CUL2: variants seen among roughly 807,000 people sequenced by gnomAD.
CUL2 encodes the protein cullin-2.
In CUL2, 22 loss-of-function variants were observed where a neutral mutation model predicts 110.2. The observed-to-expected ratio is 0.20, with a 90% CI of 0.14 to 0.28. The LOEUF is 0.28. CUL2 is among the 10% of genes least tolerant of loss of function. CUL2 has a pLI of 1.00. For synonymous variants in CUL2, 279 were observed against 293.2 expected, an observed-to-expected ratio of 0.95 and a Z score of 0.49; for missense variants, 631 against 905.5, an observed-to-expected ratio of 0.70 and a Z score of 3.89.
intron 2 of CUL2, among the ~76,000 whole-genome samples, chr10:35,069,555 TAA>T (rs75346430): frequency 7.5e-6 from 1 of 133,152 alleles, no homozygotes; most frequent in Non-Finnish European, 1.6e-5. Context: ...AAGTAAAAAT[TAA>T]AAAAAAAAAA....
intron 2 of CUL2, among the ~76,000 whole-genome samples, chr10:35,096,740 GTGT>G (rs1361758374): frequency 6.6e-6 from 1 of 152,034 alleles, no homozygotes. Context: ...GAGACAGATG[GTGT>G]TGTTTGCTGA....
At chr10:35,101,511 C>T (rs959726493) in intron 1 of CUL2, among the ~76,000 whole-genome samples, 1 of 152,200 alleles carries the variant, frequency 6.6e-6, no homozygotes, top group Non-Finnish European at 1.5e-5. Context: ...ACAATGAAGA[C>T]TTAAGTGATG....
chr10:35,066,148 A>G (rs1318800484), intron 2 of CUL2, among the ~76,000 whole-genome samples: 1 of 152,206 alleles, frequency 6.6e-6, no homozygotes, highest in Non-Finnish European at 1.5e-5. Context: ...TTTTAACAGT[A>G]TGAACTCTAT....
chr10:35,054,683 A>C (rs938924824), intron 4 of CUL2, 144 bp from the exon 5 acceptor site: 1 of 497,996 alleles, frequency 2.0e-6, no homozygotes, highest in East Asian at 3.3e-5. Flanking sequence ...TGAATTATGT[A>C]GAGATTAGAA....
intron 6 of CUL2, among the ~76,000 whole-genome samples, chr10:35,048,975 T>A (rs983747675): frequency 1.3e-5 from 2 of 152,170 alleles, no homozygotes; most frequent in Admixed American, 6.5e-5. Context: ...GGAGTGGCCA[T>A]TATTACACTA....
At position 35,010,358 on chromosome 10, in the gene CUL2, T is replaced by C; in HGVS notation, c.2191A>G (p.Ile731Val). ...CIEVLIDKQY[I>V]ERSQASADEY... ...TCTGCCGACGCCTGGCTGCGTTCTATGTATTGTTTGTCTATCAGAACTTCA... is the reference window on the plus strand; with the variant it reads ...TCTGCCGACGCCTGGCTGCGTTCTACGTATTGTTTGTCTATCAGAACTTCA... Residue 731 changes from isoleucine to valine, a missense_variant, in exon 21 of 21, where the codon ATA (isoleucine) becomes GTA (valine). This residue lies in a region of CUL2 where 159 missense variants were observed against 202.7 expected (regional missense o/e 0.78). Transcript: ENST00000374749. The C allele has an allele frequency of 2.5e-6, 4 of 1,611,910 alleles. No homozygotes were observed. The highest frequency in any genetic ancestry group is 1.3e-5 in the African/African-American group (1 of 74,882).
At position 35,031,532 on chromosome 10, in the gene CUL2, T is replaced by C. The variant is rs1299641016; in HGVS notation, c.1258A>G (p.Thr420Ala). 1.2e-6 allele frequency: 2 copies of C among 1,614,200 alleles called. No individual in the cohort carries two copies. Among genetic ancestry groups the C allele is most frequent in the Non-Finnish European group, 1.7e-6 (2 of 1,180,018 alleles). The change falls in exon 13 of 21, where the codon ACA becomes GCA. Residue 420 changes from threonine to alanine, a missense_variant. Thr to Ala is a moderately conservative substitution (Grantham distance 58, BLOSUM62 0). Transcript: ENST00000374749. This position sits in a 1 kb window ranked among gnomAD's most constrained non-coding sequence, Gnocchi z 4.4. ...TTGTCATCAATGTATTTGAACACTG[T>C]GATGAAGCTCGTGAGCCTGTCTTCC... Reference protein sequence around the residue: ...EVEDRLTSFITVFKYIDDKDV... With the variant: ...EVEDRLTSFIAVFKYIDDKDV...
At chr10:35,010,721 CAAGA>C (rs2084878803) in intron 20 of CUL2, among the ~76,000 whole-genome samples, 2 of 152,212 alleles carry the variant, frequency 1.3e-5, no homozygotes, top group African/African-American at 4.8e-5. Flanking sequence ...AACACTTTCT[CAAGA>C]AAGTTTTCCC....
At chr10:35,070,716 G>C (rs1305079607) in intron 2 of CUL2, among the ~76,000 whole-genome samples, 1 of 152,106 alleles carries the variant, frequency 6.6e-6, no homozygotes, top group African/African-American at 2.4e-5. Context: ...AAATCACATG[G>C]CTTGCTCCCT....
Position 35,031,599 on chromosome 10 carries a change from G to A in CUL2, c.1191C>T (p.Asn397=), listed in dbSNP as rs2085481295. 6.2e-7 allele frequency: 1 copy of A among 1,613,986 alleles called. No homozygotes were observed. The highest frequency in any genetic ancestry group is 1.1e-5 in the South Asian group (1 of 91,090). The change falls in exon 13 of 21, where the codon AAC becomes AAT. Residue 397 remains asparagine, a synonymous_variant. Coordinates refer to ENST00000374749, the MANE Select transcript of CUL2 (RefSeq NM_003591.4). This position sits in a 1 kb window ranked among gnomAD's most constrained non-coding sequence, Gnocchi z 4.4. The part of the protein sequence containing the change: ...APELLAKYCD[N]LLKKSAKGMT... ...TCCCTTTCGCTGACTTCTTCAGTAAGTTGTCACAGTACTTAGCAAGCTCAT... is the reference window on the plus strand; with the variant it reads ...TCCCTTTCGCTGACTTCTTCAGTAAATTGTCACAGTACTTAGCAAGCTCAT...
intron 17 of CUL2, among the ~76,000 whole-genome samples, chr10:35,017,931 G>A (rs115758721): frequency 0.027 from 4,052 of 151,164 alleles, 180 homozygotes; most frequent in African/African-American, 0.09. Context: ...GCTTCCTAAA[G>A]CACGAAGTTG....
At chr10:35,066,895 C>T (rs1207983404) in intron 2 of CUL2, among the ~76,000 whole-genome samples, 2 of 152,160 alleles carry the variant, frequency 1.3e-5, no homozygotes, top group Non-Finnish European at 2.9e-5. Context: ...CTTCTTCTAA[C>T]ACTTGTGAAA....
intron 1 of CUL2, among the ~76,000 whole-genome samples, chr10:35,080,481 T>A (rs377670704): frequency 2.1e-4 from 26 of 125,114 alleles, no homozygotes; most frequent in African/African-American, 7.9e-4. Flanking sequence ...TTATTTATTT[T>A]TGAGACAGGG....
rs1009997342 is a variant in CUL2 at position 35,009,220 on chromosome 10, T to TAA, written c.*1089_*1090dup. ...TATATATTATATATATATATATATA[T>TAA]AAAATAAACAAAATAATGGGATTTA... On this transcript the variant is annotated 3_prime_UTR_variant, in exon 21 of 21. Transcript: ENST00000374749. 7.6e-5 allele frequency: 11 copies of TAA among 145,548 alleles called. No homozygotes were observed. Among genetic ancestry groups the TAA allele is most frequent in the Admixed American group, 1.4e-4 (2 of 14,478 alleles). 9.0% of individuals were successfully genotyped at this position (145,548 alleles called of 1,614,324 possible).
chr10:35,103,347 C>T (rs1419835304), intron 1 of CUL2, among the ~76,000 whole-genome samples: 9 of 111,768 alleles, frequency 8.1e-5, no homozygotes, highest in South Asian at 3.1e-4. Context: ...TTTTTTGAGA[C>T]GGAGTTTCGC....
chr10:35,044,470 C>T, intron 8 of CUL2, 96 bp downstream of exon 8: 36 of 677,098 alleles, frequency 5.3e-5, no homozygotes, highest in South Asian at 2.1e-4. Context: ...AATATTTTTC[C>T]ACCAAGAAAC....
intron 2 of CUL2, among the ~76,000 whole-genome samples, chr10:35,065,544 G>A (rs539346088): frequency 5.3e-5 from 8 of 152,104 alleles, no homozygotes; most frequent in Non-Finnish European, 1.0e-4. Flanking sequence ...GCGTGAACCC[G>A]AGAGATGGAG....
chr10:35,124,867 G>A (rs2087721759), intron 1 of CUL2, among the ~76,000 whole-genome samples: 1 of 152,152 alleles, frequency 6.6e-6, no homozygotes, highest in South Asian at 2.1e-4. Context: ...TTGAAGTGAG[G>A]AGGGAATATA....
chr10:35,043,132 T>C (rs947794730), intron 8 of CUL2, among the ~76,000 whole-genome samples: 2 of 152,110 alleles, frequency 1.3e-5, no homozygotes, highest in Non-Finnish European at 2.9e-5. Flanking sequence ...CGATGAATAA[T>C]ATTCCAATGC....
Sources: gnomAD v4.1 joint callset for allele counts (sites outside exome capture counted in the v4.1 genomes callset) on GRCh38, gnomAD v4.1.1 for gene constraint, gnomAD v4.1.1 regional missense constraint, Gnocchi (gnomAD v3.1) non-coding constraint, MANE v1.5 for transcripts, NCBI Gene and HGNC (gene_info 2026-07-23, HGNC 2026-07-21) for gene names.